The following ZFHX3 variants were observed in gnomAD, a reference collection of about 807,000 sequenced individuals.
The protein encoded by ZFHX3 is zinc finger homeobox 3, also known as zinc finger homeobox protein 3.
In ZFHX3, 42 loss-of-function variants were observed where a neutral mutation model predicts 279.1. The ratio of observed to expected loss-of-function variants is 0.15; its 90% CI spans 0.12 to 0.19. ZFHX3 has a LOEUF of 0.19. Among genes scored for constraint, ZFHX3 ranks in the 10% least tolerant of loss-of-function variants. The pLI is 1.00. For synonymous variants in ZFHX3, 2,293 were observed against 1,957.8 expected, an observed-to-expected ratio of 1.17 and a Z score of -4.52; for missense variants, 4,981 against 4,754.0, an observed-to-expected ratio of 1.05 and a Z score of -1.40.
At chr16:73,400,540 C>T (rs897059374) in intron 3 of ZFHX3, 3 of 152,210 alleles carry the variant, frequency 2.0e-5, no homozygotes, top group Non-Finnish European at 4.4e-5. Flanking sequence ...ACATTTTCAT[C>T]TTCGCCGTCT....
chr16:73,132,516 A>G lies in ZFHX3; in HGVS notation c.-1023-1422T>C, dbSNP rs1028147043. On this transcript the variant is annotated intron_variant, in intron 6 of 17. Transcript: ENST00000641206. ...CTCTCTTCTCTGTAGTTCCACTCCT[A>G]GCAATTTGGGGCCAGCTGGGGACTG... is the stretch of plus-strand genomic sequence containing the variant. Among the ~76,000 whole-genome samples, 12 of 152,274 alleles carry G rather than the reference A, an allele frequency of 7.9e-5. 1 individual carries two copies. Among genetic ancestry groups the G allele is most frequent in the Admixed American group, 2.6e-4 (4 of 15,290 alleles).
chr16:73,419,725 G>A (rs2017677641), intron 3 of ZFHX3, among the ~76,000 whole-genome samples: 1 of 151,716 alleles, frequency 6.6e-6, no homozygotes, highest in Admixed American at 6.6e-5. Context: ...TGGGATCATA[G>A]GTGCGCCCCT....
At chr16:72,895,736 A>G (rs1270977906) in intron 3 of ZFHX3, among the ~76,000 whole-genome samples, 1 of 152,226 alleles carries the variant, frequency 6.6e-6, no homozygotes, top group Non-Finnish European at 1.5e-5. Flanking sequence ...AGGCAGGAGG[A>G]TCACTTGATC....
intron 9 of ZFHX3, 40 bp from the exon 10 acceptor site, chr16:72,788,888 CAGGGGT>C (rs2035582093): frequency 1.3e-6 from 2 of 1,512,880 alleles, no homozygotes; most frequent in Non-Finnish European, 1.8e-6. Flanking sequence ...TCAGTCTGGG[CAGGGGT>C]AGGGCTGAAG....
intron 4 of ZFHX3, among the ~76,000 whole-genome samples, chr16:72,879,550 C>T (rs754791823): frequency 6.6e-6 from 1 of 152,128 alleles, no homozygotes; most frequent in Non-Finnish European, 1.5e-5. Context: ...CTCAGCCTCC[C>T]GAGAAGCTGG....
At chr16:73,696,499 C>A (rs1484735660) in intron 1 of ZFHX3, among the ~76,000 whole-genome samples, 4 of 152,140 alleles carry the variant, frequency 2.6e-5, no homozygotes, top group Admixed American at 2.6e-4. Context: ...AACCAAAGAG[C>A]CATACATAAA....
intron 3 of ZFHX3, among the ~76,000 whole-genome samples, chr16:73,454,234 A>G (rs1295037791): frequency 6.6e-6 from 1 of 152,196 alleles, no homozygotes; most frequent in Non-Finnish European, 1.5e-5. Flanking sequence ...AAGAGTCTAC[A>G]GTATGCACCA....
chr16:73,278,809 A>G lies in ZFHX3; in HGVS notation c.-1193-21673T>C, dbSNP rs114328604. On this transcript the variant is annotated intron_variant, in intron 4 of 17. Transcript: ENST00000641206. ...GTGCATTTTACAATCCTCTTGCTAC[A>G]GAGCGCTGATTGGTGCATTTTACAA... 6.2e-3 allele frequency among the ~76,000 whole-genome samples: 941 copies of G among 152,314 alleles called. 11 individuals are homozygous for G. The highest frequency in any genetic ancestry group is 0.022 in the African/African-American group (907 of 41,564).
intron 3 of ZFHX3, among the ~76,000 whole-genome samples, chr16:72,926,082 A>T (rs1423207062): frequency 6.6e-6 from 1 of 152,210 alleles, no homozygotes. Context: ...TTTATCTTGG[A>T]AGTCACTGTT....
chr16:73,316,691 G>A (rs1295188542), intron 4 of ZFHX3, among the ~76,000 whole-genome samples: 5 of 152,052 alleles, frequency 3.3e-5, no homozygotes, highest in African/African-American at 7.2e-5. Flanking sequence ...AAATTCTTGC[G>A]ATAAAATGCT....
intron 1 of ZFHX3, among the ~76,000 whole-genome samples, chr16:73,851,324 C>A (rs1961589214): frequency 6.6e-6 from 1 of 152,124 alleles, no homozygotes; most frequent in East Asian, 1.9e-4. Flanking sequence ...GGGACAATTC[C>A]ATCATAAAGT....
At chr16:73,265,016 A>T (rs2013930087) in intron 4 of ZFHX3, among the ~76,000 whole-genome samples, 1 of 45,904 alleles carries the variant, frequency 2.2e-5, no homozygotes, top group South Asian at 1.1e-3. Context: ...ACCTCAGTGC[A>T]TATATATATA....
chr16:73,377,398 T>C (rs1279567786), intron 3 of ZFHX3, among the ~76,000 whole-genome samples: 1 of 152,078 alleles, frequency 6.6e-6, no homozygotes, highest in East Asian at 1.9e-4. Context: ...AAAGCCACAG[T>C]GATTAAGACA....
At chr16:73,381,859 C>T (rs951563386) in intron 3 of ZFHX3, among the ~76,000 whole-genome samples, 2 of 152,188 alleles carry the variant, frequency 1.3e-5, no homozygotes, top group African/African-American at 4.8e-5. Context: ...CATTCAAAGC[C>T]ATCCCGGGCT....
intron 5 of ZFHX3, among the ~76,000 whole-genome samples, chr16:73,220,641 GCTATA>G (rs1363889628): frequency 6.6e-6 from 1 of 152,112 alleles, no homozygotes; most frequent in African/African-American, 2.4e-5. Context: ...CAGTTTTTGT[GCTATA>G]CAAAGGCATC....
intron 7 of ZFHX3, among the ~76,000 whole-genome samples, chr16:73,105,405 A>ATACACACACACACATATATATG (rs1359022241): frequency 1.5e-5 from 2 of 137,756 alleles, no homozygotes; most frequent in African/African-American, 2.7e-5. Context: ...ATATATATAT[A>ATACACACACACACATATATATG]TATACACACA....
chr16:73,702,903 G>C (rs1394053620), intron 1 of ZFHX3, among the ~76,000 whole-genome samples: 2 of 152,156 alleles, frequency 1.3e-5, no homozygotes, highest in African/African-American at 4.8e-5. Context: ...AAATTCAAGT[G>C]ATGGTGAAAT....
intron 3 of ZFHX3, among the ~76,000 whole-genome samples, chr16:73,398,176 G>A (rs2017169621): frequency 6.6e-6 from 1 of 152,178 alleles, no homozygotes; most frequent in Non-Finnish European, 1.5e-5. Context: ...CTAAGCTTGA[G>A]ATGCCTGTTA....
At chr16:72,908,462 A>G (rs2039239616) in intron 3 of ZFHX3, among the ~76,000 whole-genome samples, 1 of 152,228 alleles carries the variant, frequency 6.6e-6, no homozygotes, top group Admixed American at 6.5e-5. Context: ...TTGAAGATTC[A>G]GGACGCCTCC....
Sources: allele counts gnomAD v4.1 joint callset (sites outside exome capture counted in the v4.1 genomes callset), GRCh38; gene constraint gnomAD v4.1.1; transcripts MANE v1.5; gene names NCBI Gene and HGNC (gene_info 2026-07-23, HGNC 2026-07-21).